The following CNOT7 variants were observed in gnomAD, a reference collection of about 807,000 sequenced individuals.
The protein encoded by CNOT7 is BTG1-binding factor 1.
A neutral mutation model predicts 37.1 loss-of-function variants in CNOT7; 4 were observed. The observed-to-expected ratio is 0.11, with a 90% CI of 0.05 to 0.25. The LOEUF (loss-of-function observed/expected upper bound fraction) is 0.25. CNOT7 is among the 10% of genes least tolerant of loss of function. The pLI is 1.00. For synonymous variants in CNOT7, 128 were observed against 115.6 expected (o/e 1.11, Z -0.69); for missense variants, 170 against 336.2 (o/e 0.51, Z 3.87).
chr8:17,233,369 G>C (rs1808891229), intron 5 of CNOT7, among the ~76,000 whole-genome samples: 1 of 152,200 alleles, frequency 6.6e-6, no homozygotes, highest in South Asian at 2.1e-4. Context: ...ATAGCACGAG[G>C]ATTAGGTATC....
rs1808130625 is a variant in CNOT7 at position 17,226,028 on chromosome 8, C to CCTTTT, written c.*4687_*4691dup. 1.0e-4 allele frequency: 3 copies of CCTTTT among 29,318 alleles called. No individual in the cohort carries two copies. Among genetic ancestry groups the CCTTTT allele is most frequent in the African/African-American group, 1.5e-4 (2 of 13,188 alleles). 1.8% of individuals were successfully genotyped at this position (29,318 alleles called of 1,614,324 possible). A position where few individuals can be genotyped will look rare whatever the true frequency, so the allele number is the denominator to read the frequency against. On this transcript the variant is annotated 3_prime_UTR_variant, in exon 7 of 7. Transcript: ENST00000361272. ...TTCTTCTAGTAGAGAGGTGGACAAG[C>CCTTTT]CTTTTTTTTTTTTTTTTTTTTTTTT...
Position 17,230,781 on chromosome 8 carries a change from G to A in CNOT7, c.797C>T (p.Ser266Leu), listed in dbSNP as rs770178762. The A allele has an allele frequency of 5.0e-6, 8 of 1,609,760 alleles. No homozygotes were observed. The highest frequency in any genetic ancestry group is 6.8e-6 in the Non-Finnish European group (8 of 1,177,108). ...CCCTGTGCCATTCTGTACATAGGAT[G>A]AACCAGAACCAAGGCCATACAAATG... is the stretch of plus-strand genomic sequence containing the variant. ...CGHLYGLGSG[S>L]SYVQNGTGNA... is the part of the protein sequence containing the mutation. Residue 266 changes from serine to leucine, a missense_variant, in exon 7 of 7, where the codon TCA becomes TTA. By Grantham distance (145) the Ser-to-Leu change is moderately radical (BLOSUM62 -2). Coordinates refer to ENST00000361272, the MANE Select transcript of CNOT7 (RefSeq NM_013354.7).
chr8:17,236,824 GTAAA>G (rs949964689), intron 4 of CNOT7, among the ~76,000 whole-genome samples: 2 of 152,128 alleles, frequency 1.3e-5, no homozygotes, highest in African/African-American at 4.8e-5. Flanking sequence ...CTGCCATATG[GTAAA>G]TACTCAATAA....
chr8:17,238,775 T>C (rs868493267), intron 3 of CNOT7, among the ~76,000 whole-genome samples: 1 of 152,244 alleles, frequency 6.6e-6, no homozygotes, highest in Non-Finnish European at 1.5e-5. Context: ...TTGCAGCATA[T>C]GGCTTCACCC....
At chr8:17,243,810 GA>G (rs1431333650) in intron 2 of CNOT7, among the ~76,000 whole-genome samples, 1 of 152,108 alleles carries the variant, frequency 6.6e-6, no homozygotes, top group Non-Finnish European at 1.5e-5. Context: ...CATTGGTTAA[GA>G]AAACAATTTT....
At chr8:17,238,913 T>C (rs961880144) in intron 3 of CNOT7, among the ~76,000 whole-genome samples, 7 of 152,252 alleles carry the variant, frequency 4.6e-5, no homozygotes, top group African/African-American at 1.7e-4. Context: ...TTGCTACCAA[T>C]GCCTTAGACG....
intron 2 of CNOT7, 137 bp downstream of exon 2, chr8:17,244,899 G>A (rs78185233): frequency 2.9e-6 from 2 of 696,724 alleles, no homozygotes; most frequent in Admixed American, 5.2e-5. Flanking sequence ...ATTTTGGCTG[G>A]AGGGCAGTGA....
chr8:17,244,801 C>T (rs763017790), intron 2 of CNOT7: 1 of 430,904 alleles, frequency 2.3e-6, no homozygotes, highest in Non-Finnish European at 4.2e-6. Flanking sequence ...TTCAAACGGC[C>T]CATGGTTCCC....
intron 4 of CNOT7, among the ~76,000 whole-genome samples, chr8:17,236,501 G>T (rs55946134): frequency 0.036 from 5,430 of 152,046 alleles, 158 homozygotes; most frequent in Non-Finnish European, 0.051. Context: ...TAACAATAAA[G>T]AATTTAGAAC....
chr8:17,242,375 T>C (rs1810301779), intron 3 of CNOT7: 1 of 152,168 alleles, frequency 6.6e-6, no homozygotes, highest in African/African-American at 2.4e-5. Flanking sequence ...CTTCTATTAA[T>C]AATACAGAAA....
At chr8:17,236,680 T>A (rs1809406305) in intron 4 of CNOT7, among the ~76,000 whole-genome samples, 1 of 152,178 alleles carries the variant, frequency 6.6e-6, no homozygotes, top group Non-Finnish European at 1.5e-5. Flanking sequence ...TACTTATCAC[T>A]ATCTAACAAA....
At chr8:17,231,641 A>C (rs1808628447) in intron 6 of CNOT7, 2 of 985,310 alleles carry the variant, frequency 2.0e-6, no homozygotes, top group African/African-American at 3.5e-5. Flanking sequence ...CCAAAAGGGA[A>C]AACTTATAGT....
rs981279023 is a variant in CNOT7, at chr8:17,225,270, G to A, written c.*5450C>T. ...AGATTCTTATCTTTTGGGAGAAAGA[G>A]CCAAAACAGAAGGGTGTGAAAGCAG... is the stretch of plus-strand genomic sequence containing the variant. On this transcript the variant is annotated 3_prime_UTR_variant, in exon 7 of 7. Transcript: ENST00000361272. 1.3e-5 allele frequency: 2 copies of A among 151,730 alleles called. No individual in the cohort carries two copies. The highest frequency in any genetic ancestry group is 1.9e-4 in the East Asian group (1 of 5,168). 9.4% of individuals were successfully genotyped at this position (151,730 alleles called of 1,614,324 possible). A position where few individuals can be genotyped will look rare whatever the true frequency, so the allele number is the denominator to read the frequency against.
At position 17,244,121 on chromosome 8, in the gene CNOT7, GA is replaced by G. The variant is rs1193836637; in HGVS notation, c.117+914del. ...ATGTGTTATGCTAGGTGTTGGGAGAGAAAGGATTAAAACACTTGGTTTATGG... is the reference window on the plus strand; with the variant it reads ...ATGTGTTATGCTAGGTGTTGGGAGAGAAGGATTAAAACACTTGGTTTATGG... On this transcript the variant is annotated intron_variant, in intron 2 of 6. Coordinates refer to ENST00000361272, the MANE Select transcript of CNOT7 (RefSeq NM_013354.7). Among the ~76,000 whole-genome samples the G allele has an allele frequency of 3.3e-5, 5 of 152,296 alleles. No homozygotes were observed. In the East Asian group the frequency reaches 9.7e-4, roughly 29 times the overall value.
intron 3 of CNOT7, among the ~76,000 whole-genome samples, chr8:17,240,978 G>A (rs759479406): frequency 6.6e-6 from 1 of 152,262 alleles, no homozygotes; most frequent in African/African-American, 2.4e-5. Context: ...GAAAGTTTAC[G>A]AATTTCTGTT....
Position 17,243,106 on chromosome 8 carries a change from C to T in CNOT7, c.197G>A (p.Arg66Gln). 1 of 1,612,040 alleles carries T rather than the reference C, an allele frequency of 6.2e-7. No individual in the cohort carries two copies. Among genetic ancestry groups the T allele is most frequent in the Non-Finnish European group, 8.5e-7 (1 of 1,179,390 alleles). Residue 66 changes from arginine (R) to glutamine (Q), a missense_variant, in exon 3 of 7, where the codon CGG becomes CAG. Arg to Gln is a conservative substitution (Grantham distance 43). This residue lies in a region of CNOT7 where 18 missense variants were observed against 57.0 expected (regional missense o/e 0.32). Transcript: ENST00000361272. Reference protein sequence around the residue: ...SNADYQYQLLRCNVDLLKIIQ... With the variant: ...SNADYQYQLLQCNVDLLKIIQ... ...TATCTTTAACAAGTCTACATTACAC[C>T]GCAATAGTTGGTATTGATAGTCAGC...
At chr8:17,235,383 C>A (rs1020751648) in intron 4 of CNOT7, among the ~76,000 whole-genome samples, 1 of 152,182 alleles carries the variant, frequency 6.6e-6, no homozygotes, top group African/African-American at 2.4e-5. Flanking sequence ...ATTTTCACTT[C>A]TCTTAAATGA....
chr8:17,229,335 C>G lies in CNOT7; in HGVS notation c.*1385G>C, dbSNP rs1473550980. ...TTTAAAAAGGACCACCCAGTTACAGCACTGTAATATCATGAATAAAGAATG... is the reference window on the plus strand; with the variant it reads ...TTTAAAAAGGACCACCCAGTTACAGGACTGTAATATCATGAATAAAGAATG... On this transcript the variant is annotated 3_prime_UTR_variant, in exon 7 of 7. Coordinates refer to ENST00000361272, the MANE Select transcript of CNOT7 (RefSeq NM_013354.7). 1.6e-4 allele frequency: 25 copies of G among 152,176 alleles called. No homozygotes were observed. Among genetic ancestry groups the G allele is most frequent in the Non-Finnish European group, 7.4e-5 (5 of 67,818 alleles). 9.4% of individuals were successfully genotyped at this position (152,176 alleles called of 1,614,324 possible).
rs1047206513 is a variant in CNOT7 at position 17,244,820 on chromosome 8, C to A, written c.117+216G>T. 3 of 460,766 alleles carry A rather than the reference C, an allele frequency of 6.5e-6. No individual in the cohort carries two copies. In the East Asian group the frequency reaches 1.2e-4, roughly 18 times the overall value. The allele number at this position is 460,766 out of a possible 1,614,324, so 28.5% of individuals were successfully genotyped here. A position where few individuals can be genotyped will look rare whatever the true frequency, so the allele number is the denominator to read the frequency against. ...AACGGCCCATGGTTCCCATGAATTC[C>A]AGTGCGTTTTCCCTCACTGCAATGA... On this transcript the variant is annotated intron_variant, in intron 2 of 6. Coordinates refer to ENST00000361272, the MANE Select transcript of CNOT7 (RefSeq NM_013354.7).
Sources: allele counts gnomAD v4.1 joint callset (sites outside exome capture counted in the v4.1 genomes callset), GRCh38; gene constraint gnomAD v4.1.1; regional missense constraint gnomAD v4.1.1; transcripts MANE v1.5; gene names NCBI Gene and HGNC (gene_info 2026-07-23, HGNC 2026-07-21).